Variants in RMDN1 observed in about 807,000 individuals in gnomAD.
RMDN1 encodes regulator of microtubule dynamics 1.
Under a neutral mutation model 48.9 loss-of-function variants are expected in RMDN1, and 48 were observed. The ratio of observed to expected loss-of-function variants is 0.98; its 90% CI spans 0.78 to 1.25. The LOEUF is 1.25. Among genes scored for constraint, RMDN1 ranks in the 50% most tolerant of loss-of-function variants. The pLI is 0.00. For synonymous variants in RMDN1, 148 were observed against 132.6 expected (o/e 1.12, Z -0.80); for missense variants, 418 against 373.4 (o/e 1.12, Z -0.98).
At chr8:86,497,112 C>T (rs1563641519) in intron 2 of RMDN1, among the ~76,000 whole-genome samples, 1 of 152,236 alleles carries the variant, frequency 6.6e-6, no homozygotes, top group East Asian at 1.9e-4. Flanking sequence ...GATTTACCAT[C>T]CCAGAATCTG....
At chr8:86,509,182 A>G (rs1819901112), upstream of RMDN1, among the ~76,000 whole-genome samples, 2 of 152,098 alleles carry the variant, frequency 1.3e-5, no homozygotes, top group Admixed American at 6.5e-5. Flanking sequence ...GAGAGTCCAG[A>G]GCAAAGAAAC....
chr8:86,507,952 G>A (rs982910064), intron 1 of RMDN1, among the ~76,000 whole-genome samples: 10 of 152,114 alleles, frequency 6.6e-5, no homozygotes, highest in African/African-American at 2.2e-4. Flanking sequence ...AGAGGCCCAC[G>A]AGCAGTCTAA....
At position 86,488,585 on chromosome 8, in the gene RMDN1, T is replaced by G. The variant is rs924480650; in HGVS notation, c.302A>C (p.Lys101Thr). The G allele has an allele frequency of 6.2e-7, 1 of 1,611,240 alleles. No individual in the cohort carries two copies. The highest frequency in any genetic ancestry group is 1.3e-5 in the African/African-American group (1 of 74,824). ...GTATTGGGTTAGCAACTGATAAAGT[T>G]TTTCTGTTTCTCCGCTTTCATACAG... ...DYLYESGETE[K>T]LYQLLTQYKE... Residue 101 changes from lysine (K) to threonine (T), a missense_variant, in exon 3 of 10, where the codon AAA (lysine) becomes ACA (threonine). Transcript: ENST00000406452.
intron 5 of RMDN1, chr8:86,481,804 TG>T: frequency 1.8e-6 from 2 of 1,095,730 alleles, no homozygotes; most frequent in Non-Finnish European, 2.5e-6. Context: ...TCATTTTTTT[TG>T]TAGAGTAGGG....
At chr8:86,484,761 C>A in intron 5 of RMDN1, 111 bp downstream of exon 5, 6 of 481,560 alleles carry the variant, frequency 1.2e-5, no homozygotes, top group East Asian at 1.2e-4. Context: ...CATGGCTCTA[C>A]TCCACTGTTA....
rs1813527844 is a variant in RMDN1 at position 86,477,226 on chromosome 8, A to G, written c.760+68T>C. On this transcript the variant is annotated intron_variant, in intron 8 of 9. Coordinates refer to ENST00000406452, the MANE Select transcript of RMDN1 (RefSeq NM_016033.3). ...ATAAACAACTGCTTTAGACATTGCT[A>G]TTATAGTATATATTCAGCATTCATA... 1.8e-5 allele frequency: 20 copies of G among 1,122,984 alleles called. No individual in the cohort carries two copies. The South Asian group carries it at 2.9e-4, about 16-fold the overall frequency. 69.6% of individuals were successfully genotyped at this position (1,122,984 alleles called of 1,614,324 possible). A position where few individuals can be genotyped will look rare whatever the true frequency, so the allele number is the denominator to read the frequency against.
exon 1 of RMDN1, chr8:86,514,273 A>G (rs1271143255): frequency 2.0e-6 from 2 of 985,282 alleles, no homozygotes; most frequent in South Asian, 4.7e-5. Context: ...TCAGTAAGCG[A>G]CTGGCCTCCA....
intron 2 of RMDN1, among the ~76,000 whole-genome samples, chr8:86,502,052 A>G (rs1192830793): frequency 1.3e-5 from 2 of 152,230 alleles, no homozygotes; most frequent in East Asian, 3.8e-4. Flanking sequence ...TTCTATCAGA[A>G]GTTGAATAAG....
intron 8 of RMDN1, 26 bp downstream of exon 8, chr8:86,477,268 A>T (rs1468129528): frequency 6.5e-7 from 1 of 1,547,028 alleles, no homozygotes; most frequent in East Asian, 2.3e-5. Flanking sequence ...TAACTATATT[A>T]ATATGTGTAA....
intron 2 of RMDN1, chr8:86,504,914 C>G: frequency 8.6e-7 from 1 of 1,165,942 alleles, no homozygotes; most frequent in Non-Finnish European, 1.3e-6. Flanking sequence ...TGACCTTTAC[C>G]TTCTTCAAAG....
At chr8:86,506,471 C>T (rs1156568277) in intron 2 of RMDN1, among the ~76,000 whole-genome samples, 6 of 152,072 alleles carry the variant, frequency 3.9e-5, no homozygotes, top group Non-Finnish European at 7.4e-5. Flanking sequence ...AGACCATGTT[C>T]GAGATAGTAT....
At chr8:86,507,315 G>A (rs1393049806) in intron 1 of RMDN1, among the ~76,000 whole-genome samples, 2 of 151,962 alleles carry the variant, frequency 1.3e-5, no homozygotes, top group Admixed American at 6.6e-5. Flanking sequence ...TGGAGTCGCC[G>A]CTCATCTAAA....
rs1812743365 is a variant in RMDN1 at position 86,472,712 on chromosome 8, T to C, written c.*1596A>G. The C allele has an allele frequency of 7.8e-6, 4 of 512,668 alleles. No homozygotes were observed. The highest frequency in any genetic ancestry group is 1.4e-5 in the Non-Finnish European group (4 of 291,434). 31.8% of individuals were successfully genotyped at this position (512,668 alleles called of 1,614,324 possible). ...CGAGTTATGTCATATTTTTTACTGT[T>C]AAGTACTTATGCATGAATAAGTATA... is the stretch of plus-strand genomic sequence containing the variant. On this transcript the variant is annotated 3_prime_UTR_variant, in exon 10 of 10. Coordinates refer to ENST00000406452, the MANE Select transcript of RMDN1 (RefSeq NM_016033.3).
At chr8:86,506,778 C>G (rs917101586) in intron 2 of RMDN1, among the ~76,000 whole-genome samples, 2 of 152,110 alleles carry the variant, frequency 1.3e-5, no homozygotes, top group Admixed American at 6.5e-5. Context: ...AAAAGGTGAC[C>G]TTCTTCCAAC....
upstream of RMDN1, among the ~76,000 whole-genome samples, chr8:86,509,356 AAGTATTTTATTTTACTCG>A (rs929612401): frequency 1.3e-5 from 2 of 152,158 alleles, no homozygotes; most frequent in Non-Finnish European, 2.9e-5. Flanking sequence ...TACTCGAGCA[AAGTATTTTATTTTACTCG>A]AGTAAAATAA....
chr8:86,489,493 T>G (rs1586680641), intron 2 of RMDN1, among the ~76,000 whole-genome samples: 1 of 152,174 alleles, frequency 6.6e-6, no homozygotes, highest in Admixed American at 6.5e-5. Flanking sequence ...TTCCAATGTG[T>G]ATACACTTGG....
intron 5 of RMDN1, among the ~76,000 whole-genome samples, chr8:86,484,078 A>G (rs73688858): frequency 0.15 from 22,627 of 152,136 alleles, 1,836 homozygotes; most frequent in Non-Finnish European, 0.19. Context: ...ACTTGTGTCA[A>G]TGCTCCCCTC....
intron 2 of RMDN1, among the ~76,000 whole-genome samples, chr8:86,503,200 A>G (rs1205309151): frequency 6.6e-6 from 1 of 151,944 alleles, no homozygotes; most frequent in East Asian, 1.9e-4. Flanking sequence ...AAAAATACAA[A>G]AATTAGCTAG....
downstream of RMDN1, chr8:86,470,004 C>T (rs1462052069): frequency 4.0e-6 from 1 of 250,848 alleles, no homozygotes; most frequent in African/African-American, 2.3e-5. Context: ...TTTTACAACA[C>T]CCACAGCTAG....
Sources: allele counts gnomAD v4.1 joint callset (sites outside exome capture counted in the v4.1 genomes callset), GRCh38; gene constraint gnomAD v4.1.1; transcripts MANE v1.5; gene names NCBI Gene and HGNC (gene_info 2026-07-23, HGNC 2026-07-21).